Variants in FBXL4 observed in about 807,000 individuals in gnomAD.
FBXL4 encodes the protein F-box/LRR-repeat protein 4.
In FBXL4, 40 loss-of-function variants were observed where a neutral mutation model predicts 58.9. That is an observed-to-expected ratio of 0.68 (90% CI 0.53 to 0.88). The LOEUF is 0.88. Among genes scored for constraint, FBXL4 ranks in the 40% least tolerant of loss-of-function variants. The pLI is 0.00. For missense variants in FBXL4, 676 were observed against 734.4 expected (o/e 0.92, Z 0.92); for synonymous variants, 263 against 265.5 (o/e 0.99, Z 0.09).
chr6:98,911,606 C>T (rs1449830217), intron 5 of FBXL4, among the ~76,000 whole-genome samples: 3 of 152,196 alleles, frequency 2.0e-5, no homozygotes, highest in Non-Finnish European at 4.4e-5. Context: ...TCCAACAGAC[C>T]TGCAGCTGAG....
rs1275032459 is a variant in FBXL4, at chr6:98,873,031, A to T, written c.*1247T>A. 1 of 152,060 alleles carries T rather than the reference A, an allele frequency of 6.6e-6. No homozygotes were observed. Among genetic ancestry groups the T allele is most frequent in the Admixed American group, 6.6e-5 (1 of 15,234 alleles). 9.4% of individuals were successfully genotyped at this position (152,060 alleles called of 1,614,324 possible). A position where few individuals can be genotyped will look rare whatever the true frequency, so the allele number is the denominator to read the frequency against. On this transcript the variant is annotated 3_prime_UTR_variant, in exon 10 of 10. Coordinates refer to ENST00000369244, the MANE Select transcript of FBXL4 (RefSeq NM_001278716.2). ...CATCGTTTTGTTAAAAAAATGAATT[A>T]ATTCTGCTACTCAGAAAGTAGACAG...
chr6:98,874,466 C>A, intron 9 of FBXL4, 25 bp from the exon 10 acceptor site: 2 of 1,592,870 alleles, frequency 1.3e-6, no homozygotes, highest in Non-Finnish European at 1.7e-6. Context: ...CAAAACAAAA[C>A]AAAACAAAAC....
At chr6:98,940,760 T>C (rs1470836654) in intron 1 of FBXL4, among the ~76,000 whole-genome samples, 1 of 152,070 alleles carries the variant, frequency 6.6e-6, no homozygotes, top group African/African-American at 2.4e-5. Flanking sequence ...TGAAAATATC[T>C]TTTTTTCTCT....
At chr6:98,917,350 T>C (rs1303095384) in intron 5 of FBXL4, 24 bp downstream of exon 5, 1 of 1,506,750 alleles carries the variant, frequency 6.6e-7, no homozygotes, top group South Asian at 1.2e-5. Context: ...TATCCAATAC[T>C]GCTGCTAAAT....
chr6:98,941,858 A>G (rs1253549160), intron 1 of FBXL4, among the ~76,000 whole-genome samples: 1 of 152,162 alleles, frequency 6.6e-6, no homozygotes, highest in Non-Finnish European at 1.5e-5. Context: ...TTAGGACAAT[A>G]GTTTTTTTTA....
rs752104950 is a variant in FBXL4, at chr6:98,927,004, G to A, written c.-16C>T. On this transcript the variant is annotated 5_prime_UTR_variant, in exon 4 of 10. Coordinates refer to ENST00000369244, the MANE Select transcript of FBXL4 (RefSeq NM_001278716.2). Reference sequence around the variant, plus strand: ...CCGGTGACATCTAGATGTGAATTATGAAGCTTCAAAAGGTCAGGTGTCCTC... The same window carrying A: ...CCGGTGACATCTAGATGTGAATTATAAAGCTTCAAAAGGTCAGGTGTCCTC... The A allele has an allele frequency of 5.0e-6, 8 of 1,607,648 alleles. No homozygotes were observed. In the South Asian group the frequency reaches 8.8e-5, roughly 18 times the overall value.
intron 5 of FBXL4, among the ~76,000 whole-genome samples, chr6:98,906,965 T>A (rs1301780223): frequency 6.6e-6 from 1 of 152,244 alleles, no homozygotes. Flanking sequence ...TGCATAAATG[T>A]CTTCTTTTGA....
intron 1 of FBXL4, among the ~76,000 whole-genome samples, chr6:98,944,598 CT>C (rs1773550738): frequency 6.6e-6 from 1 of 152,180 alleles, no homozygotes; most frequent in African/African-American, 2.4e-5. Context: ...AGTAGAGGCA[CT>C]GACGGCCTTT....
chr6:98,912,038 T>G (rs1457976115), intron 5 of FBXL4, among the ~76,000 whole-genome samples: 1 of 152,114 alleles, frequency 6.6e-6, no homozygotes, highest in Non-Finnish European at 1.5e-5. Flanking sequence ...TGCACAAGCC[T>G]CAGGAGCCCA....
intron 5 of FBXL4, among the ~76,000 whole-genome samples, chr6:98,906,862 T>A (rs1771834659): frequency 6.6e-6 from 1 of 152,170 alleles, no homozygotes; most frequent in Non-Finnish European, 1.5e-5. Context: ...TGATCACCAT[T>A]CTAACTGGCA....
intron 7 of FBXL4, among the ~76,000 whole-genome samples, chr6:98,892,156 A>T (rs1771251632): frequency 6.6e-6 from 1 of 152,232 alleles, no homozygotes; most frequent in Non-Finnish European, 1.5e-5. Context: ...ACTTATTATC[A>T]GCTATTAAAA....
At chr6:98,911,464 G>A (rs1246440325) in intron 5 of FBXL4, among the ~76,000 whole-genome samples, 1 of 152,148 alleles carries the variant, frequency 6.6e-6, no homozygotes, top group Non-Finnish European at 1.5e-5. Context: ...ACACGGCCGG[G>A]TACTCCTCTG....
intron 1 of FBXL4, among the ~76,000 whole-genome samples, chr6:98,936,656 G>T (rs914720066): frequency 6.6e-6 from 1 of 151,852 alleles, no homozygotes. Context: ...CTATTTCATT[G>T]TAAGAATACA....
chr6:98,939,075 C>CAAAAAAAAAAA (rs3068704), intron 1 of FBXL4, among the ~76,000 whole-genome samples: 1 of 25,248 alleles, frequency 4.0e-5, no homozygotes, highest in Admixed American at 5.2e-4. Context: ...GACCTTGTCT[C>CAAAAAAAAAAA]AAAAAAAAAA....
chr6:98,946,579 C>T (rs1251264775), intron 1 of FBXL4, among the ~76,000 whole-genome samples: 1 of 152,158 alleles, frequency 6.6e-6, no homozygotes, highest in African/African-American at 2.4e-5. Context: ...ACTATAATCG[C>T]ATTATTTCAT....
chr6:98,880,019 T>A (rs1482421768), intron 8 of FBXL4, among the ~76,000 whole-genome samples: 1 of 151,374 alleles, frequency 6.6e-6, no homozygotes, highest in Non-Finnish European at 1.5e-5. Context: ...GGCTTTTATA[T>A]TTCACAGACC....
At chr6:98,900,503 G>T (rs1233114459) in intron 6 of FBXL4, among the ~76,000 whole-genome samples, 3 of 152,160 alleles carry the variant, frequency 2.0e-5, no homozygotes, top group Non-Finnish European at 4.4e-5. Context: ...TGCATTGTTT[G>T]ACTAGTTCCT....
chr6:98,900,571 G>A (rs567838012), intron 6 of FBXL4, among the ~76,000 whole-genome samples: 23 of 152,082 alleles, frequency 1.5e-4, no homozygotes, highest in Non-Finnish European at 3.2e-4. Flanking sequence ...AGCTGTAAAC[G>A]CAGACTTGAA....
At chr6:98,939,161 G>A (rs181292298) in intron 1 of FBXL4, among the ~76,000 whole-genome samples, 12 of 149,354 alleles carry the variant, frequency 8.0e-5, no homozygotes, top group South Asian at 2.2e-4. Context: ...GAAATGAAAC[G>A]AAACGAAATG....
Sources: gnomAD v4.1 joint callset for allele counts (sites outside exome capture counted in the v4.1 genomes callset) on GRCh38, gnomAD v4.1.1 for gene constraint, MANE v1.5 for transcripts, NCBI Gene and HGNC (gene_info 2026-07-23, HGNC 2026-07-21) for gene names.